MACROD2: variants seen among roughly 807,000 people sequenced by gnomAD.
MACROD2 encodes the protein mono-ADP ribosylhydrolase 2, also known as ADP-ribose glycohydrolase MACROD2.
Under a neutral mutation model 70.4 loss-of-function variants are expected in MACROD2, and 36 were observed. The ratio of observed to expected loss-of-function variants is 0.51; its 90% confidence interval spans 0.39 to 0.68. The LOEUF (loss-of-function observed/expected upper bound fraction) is 0.68, where lower values mean the gene tolerates loss of function less well. MACROD2 is among the 30% of genes least tolerant of loss of function. MACROD2 has a pLI of 0.00. For missense variants in MACROD2, 496 were observed against 538.4 expected (o/e 0.92, Z 0.78); for synonymous variants, 172 against 178.8 (o/e 0.96, Z 0.30).
chr20:14,457,617 T>A (rs965906007), intron 3 of MACROD2, among the ~76,000 whole-genome samples: 1 of 152,136 alleles, frequency 6.6e-6, no homozygotes, highest in Non-Finnish European at 1.5e-5. Flanking sequence ...ATTTCATTCA[T>A]TCCCTTGGGG....
In MACROD2 at chr20:15,018,675, G is replaced by A. The variant is rs186787306; in HGVS notation, c.419-211265G>A. Among the ~76,000 whole-genome samples the A allele has an allele frequency of 1.7e-4, 26 of 152,186 alleles. No individual in the cohort carries two copies. The East Asian group carries it at 2.3e-3, about 14-fold the overall frequency. On this transcript the variant is annotated intron_variant, in intron 5 of 17. Coordinates refer to ENST00000684519, the MANE Select transcript of MACROD2 (RefSeq NM_001351661.2). ...GTGTATATCCTAAAGGGCTAGGCCC[G>A]TCTCTCCTTTTCACGTTTTTCTGCC... is the stretch of plus-strand genomic sequence containing the variant.
chr20:14,621,334 GTGC>G (rs1323077579), intron 4 of MACROD2, among the ~76,000 whole-genome samples: 1 of 152,072 alleles, frequency 6.6e-6, no homozygotes, highest in Non-Finnish European at 1.5e-5. Context: ...GTTTACAGAT[GTGC>G]TGCTCAAGTG....
At chr20:14,975,786 G>A (rs2074733965) in intron 5 of MACROD2, among the ~76,000 whole-genome samples, 1 of 152,102 alleles carries the variant, frequency 6.6e-6, no homozygotes, top group Non-Finnish European at 1.5e-5. Context: ...AGCTAGTAGT[G>A]GCCAAGTTGT....
intron 9 of MACROD2, among the ~76,000 whole-genome samples, chr20:15,874,419 G>C (rs1053432637): frequency 2.0e-5 from 3 of 151,970 alleles, no homozygotes; most frequent in Non-Finnish European, 4.4e-5. Context: ...TAATCCTTTG[G>C]GTATATACCC....
intron 8 of MACROD2, among the ~76,000 whole-genome samples, chr20:15,559,096 G>A (rs1005269105): frequency 6.6e-5 from 10 of 151,988 alleles, no homozygotes; most frequent in East Asian, 3.9e-4. Flanking sequence ...GCATGGTGGC[G>A]CACGCCTGTA....
chr20:15,416,852 G>A (rs1380706264), intron 6 of MACROD2, among the ~76,000 whole-genome samples: 3 of 152,080 alleles, frequency 2.0e-5, no homozygotes, highest in Admixed American at 6.5e-5. Context: ...GCAGTGAGCC[G>A]AGATCGCGCC....
chr20:14,120,979 A>G (rs2148692217), intron 3 of MACROD2, among the ~76,000 whole-genome samples: 1 of 151,978 alleles, frequency 6.6e-6, no homozygotes, highest in Admixed American at 6.6e-5. Context: ...ACACATGTAT[A>G]CCTATGTAAC....
In MACROD2 at chr20:15,230,961, A is replaced by G. The variant is rs573093284; in HGVS notation, c.540+900A>G. ...AAAAAATAGTTAAATGCTTGATTTC[A>G]TAGCAGACTGAATAGATCAGCATTG... On this transcript the variant is annotated intron_variant, in intron 6 of 17. Coordinates refer to ENST00000684519, the MANE Select transcript of MACROD2 (RefSeq NM_001351661.2). 2.4e-4 allele frequency among the ~76,000 whole-genome samples: 37 copies of G among 152,268 alleles called. No homozygotes were observed. In the South Asian group the frequency reaches 3.1e-3, roughly 13 times the overall value.
At chr20:14,863,118 C>T (rs961085187) in intron 5 of MACROD2, among the ~76,000 whole-genome samples, 4 of 152,098 alleles carry the variant, frequency 2.6e-5, no homozygotes, top group African/African-American at 4.8e-5. Context: ...AAATCACCCA[C>T]GGGTTCTTTC....
chr20:15,187,346 C>T (rs972898413), intron 5 of MACROD2, among the ~76,000 whole-genome samples: 1 of 151,942 alleles, frequency 6.6e-6, no homozygotes, highest in African/African-American at 2.4e-5. Context: ...CTTGAACACA[C>T]AAAAAAGTAA....
chr20:15,891,212 T>C (rs1282960272), intron 10 of MACROD2, among the ~76,000 whole-genome samples: 1 of 151,928 alleles, frequency 6.6e-6, no homozygotes, highest in Non-Finnish European at 1.5e-5. Flanking sequence ...AATATGTGTG[T>C]TGGAGGAGTG....
chr20:15,830,296 G>C (rs572082207), intron 8 of MACROD2, among the ~76,000 whole-genome samples: 15 of 152,312 alleles, frequency 9.8e-5, no homozygotes, highest in Middle Eastern at 3.4e-3. Flanking sequence ...AGGTGGGGCT[G>C]CTTTCATAGG....
intron 10 of MACROD2, among the ~76,000 whole-genome samples, chr20:15,892,037 A>C (rs1343100071): frequency 6.6e-6 from 1 of 152,192 alleles, no homozygotes; most frequent in Non-Finnish European, 1.5e-5. Flanking sequence ...CAACCAGCTC[A>C]TGAAAACCAC....
intron 2 of MACROD2, among the ~76,000 whole-genome samples, chr20:14,059,325 T>G (rs1020880388): frequency 6.6e-6 from 1 of 152,226 alleles, no homozygotes; most frequent in African/African-American, 2.4e-5. Context: ...CATTATTCAC[T>G]CAAAAATTTA....
At chr20:14,807,926 A>C (rs2072659622) in intron 5 of MACROD2, among the ~76,000 whole-genome samples, 1 of 152,130 alleles carries the variant, frequency 6.6e-6, no homozygotes, top group Non-Finnish European at 1.5e-5. Context: ...CAAATCCTCT[A>C]AGAAATATGG....
At position 16,017,625 on chromosome 20, in the gene MACROD2, G is replaced by T. The variant is rs546250008; in HGVS notation, c.1154-23576G>T. The stretch of plus-strand genomic sequence containing the variant: ...CACAATGGTCTCTTTTCACCTCCTT[G>T]AATAAGCCAAGCCTTTGAGCCATTT... On this transcript the variant is annotated intron_variant, in intron 15 of 17. Transcript: ENST00000684519. 5.7e-4 allele frequency among the ~76,000 whole-genome samples: 87 copies of T among 152,164 alleles called. 1 individual carries two copies. The highest frequency in any genetic ancestry group is 1.9e-3 in the African/African-American group (80 of 41,504).
chr20:15,291,394 C>T (rs554315833), intron 6 of MACROD2, among the ~76,000 whole-genome samples: 1 of 152,176 alleles, frequency 6.6e-6, no homozygotes, highest in Non-Finnish European at 1.5e-5. Context: ...AAACCTGAGA[C>T]ACAGTAGGCC....
intron 5 of MACROD2, among the ~76,000 whole-genome samples, chr20:14,857,915 G>A (rs1461982209): frequency 1.3e-5 from 2 of 152,060 alleles, no homozygotes; most frequent in African/African-American, 2.4e-5. Flanking sequence ...CCGCCTCCCG[G>A]GTTCAAGCGA....
chr20:15,456,717 T>A (rs1484606235), intron 7 of MACROD2, among the ~76,000 whole-genome samples: 1 of 152,170 alleles, frequency 6.6e-6, no homozygotes, highest in Non-Finnish European at 1.5e-5. Context: ...CAGCTTCCCT[T>A]TGGAATCACC....
Sources: allele counts gnomAD v4.1 joint callset (sites outside exome capture counted in the v4.1 genomes callset), GRCh38; gene constraint gnomAD v4.1.1; transcripts MANE v1.5; gene names NCBI Gene and HGNC (gene_info 2026-07-23, HGNC 2026-07-21).